Variants in ERBB4 observed in about 807,000 individuals in gnomAD.
The protein encoded by ERBB4 is receptor tyrosine-protein kinase erbB-4.
A neutral mutation model predicts 158.0 loss-of-function variants in ERBB4; 42 were observed. The observed-to-expected ratio is 0.27, with a 90% CI of 0.21 to 0.34. The LOEUF is 0.34. Among genes scored for constraint, ERBB4 ranks in the 10% least tolerant of loss-of-function variants. The probability of loss-of-function intolerance (pLI) is 1.00; values close to 1 mark genes in which losing one functional copy is unlikely to be tolerated. For missense variants in ERBB4, 1,333 were observed against 1,624.1 expected, an observed-to-expected ratio of 0.82 and a Z score of 3.08; for synonymous variants, 583 against 558.7, an observed-to-expected ratio of 1.04 and a Z score of -0.61.
chr2:212,305,726 T>C (rs529423537), intron 1 of ERBB4, among the ~76,000 whole-genome samples: 49 of 151,482 alleles, frequency 3.2e-4, no homozygotes, highest in African/African-American at 1.2e-3. Flanking sequence ...TTGATAAAAA[T>C]ACATTTTAAA....
chr2:212,439,470 T>C (rs2092207724), intron 1 of ERBB4, among the ~76,000 whole-genome samples: 1 of 152,146 alleles, frequency 6.6e-6, no homozygotes, highest in South Asian at 2.1e-4. Context: ...TATGAATTAA[T>C]GGATTCTAGG....
intron 1 of ERBB4, among the ~76,000 whole-genome samples, chr2:212,524,548 G>T (rs1692343080): frequency 6.6e-6 from 1 of 151,958 alleles, no homozygotes; most frequent in Admixed American, 6.6e-5. Context: ...TATAGCATTT[G>T]CTTTAAATGT....
intron 12 of ERBB4, among the ~76,000 whole-genome samples, chr2:211,690,927 T>C (rs2072791047): frequency 6.6e-6 from 1 of 152,232 alleles, no homozygotes; most frequent in African/African-American, 2.4e-5. Flanking sequence ...TTATCTCATC[T>C]GAATTCCAGC....
chr2:212,316,591 G>A (rs1457081390), intron 1 of ERBB4, among the ~76,000 whole-genome samples: 1 of 151,478 alleles, frequency 6.6e-6, no homozygotes, highest in African/African-American at 2.4e-5. Flanking sequence ...TTCTTTCACA[G>A]TATTGCACCC....
At position 212,123,387 on chromosome 2, in the gene ERBB4, A is replaced by T. The variant is rs144789224; in HGVS notation, c.234+1365T>A. Among the ~76,000 whole-genome samples the T allele has an allele frequency of 3.6e-4, 55 of 152,364 alleles. 3 individuals carry two copies. In the East Asian group the frequency reaches 0.01, roughly 29 times the overall value. ...CACTGCGCTCCAGCCAGGGCGACAG[A>T]GCAAGACTCCATCTCACAAAACAAA... On this transcript the variant is annotated intron_variant, in intron 2 of 27. Coordinates refer to ENST00000342788, the MANE Select transcript of ERBB4 (RefSeq NM_005235.3).
chr2:212,194,334 A>G (rs1314506963), intron 1 of ERBB4, among the ~76,000 whole-genome samples: 1 of 142,092 alleles, frequency 7.0e-6, no homozygotes, highest in Non-Finnish European at 1.5e-5. Context: ...TTTCCTTTCT[A>G]ACATAATCAT....
At chr2:212,304,347 T>C (rs2086730549) in intron 1 of ERBB4, among the ~76,000 whole-genome samples, 1 of 151,554 alleles carries the variant, frequency 6.6e-6, no homozygotes, top group Admixed American at 6.6e-5. Context: ...AATAAACTAG[T>C]AACAAAAATA....
intron 1 of ERBB4, among the ~76,000 whole-genome samples, chr2:212,333,020 T>G (rs541875822): frequency 6.6e-6 from 1 of 152,176 alleles, no homozygotes; most frequent in South Asian, 2.1e-4. Context: ...TCTAGCTTCT[T>G]TGGATAGAGA....
In ERBB4 at chr2:211,390,090, G is replaced by GTGAT. The variant is rs535436783; in HGVS notation, c.3136-2102_3136-2099dup. Among the ~76,000 whole-genome samples, 53 of 152,238 alleles carry GTGAT rather than the reference G, an allele frequency of 3.5e-4. No homozygotes were observed. In the South Asian group the frequency reaches 0.01, roughly 29 times the overall value. ...ATACTCCAGTGATTTGTAATATAGA[G>GTGAT]TGATAGTACAGGAAATATGGAACTG... On this transcript the variant is annotated intron_variant, in intron 25 of 27. Coordinates refer to ENST00000342788, the MANE Select transcript of ERBB4 (RefSeq NM_005235.3).
At chr2:211,628,795 A>C in intron 17 of ERBB4, among the ~76,000 whole-genome samples, 1 of 152,110 alleles carries the variant, frequency 6.6e-6, no homozygotes, top group East Asian at 1.9e-4. Flanking sequence ...AACAGTGTAA[A>C]AGTGTTCCTA....
At chr2:211,905,963 G>A (rs1005795269) in intron 3 of ERBB4, among the ~76,000 whole-genome samples, 1 of 151,688 alleles carries the variant, frequency 6.6e-6, no homozygotes, top group African/African-American at 2.4e-5. Context: ...GGACAGTATG[G>A]CTGGAATGCA....
At chr2:211,586,839 T>C (rs1157494350) in intron 19 of ERBB4, among the ~76,000 whole-genome samples, 1 of 152,154 alleles carries the variant, frequency 6.6e-6, no homozygotes, top group African/African-American at 2.4e-5. Context: ...ATAAGAAATA[T>C]CATTTCAAGA....
At chr2:212,014,473 A>C (rs1478104246) in intron 2 of ERBB4, among the ~76,000 whole-genome samples, 2 of 152,228 alleles carry the variant, frequency 1.3e-5, no homozygotes, top group South Asian at 4.1e-4. Flanking sequence ...ATTATTCAAG[A>C]TGTAACATGG....
intron 1 of ERBB4, among the ~76,000 whole-genome samples, chr2:212,467,449 C>T (rs1688895239): frequency 6.6e-6 from 1 of 152,200 alleles, no homozygotes; most frequent in Non-Finnish European, 1.5e-5. Flanking sequence ...CCCCTTTCAG[C>T]TGTTCCAGAT....
At chr2:212,011,774 T>C (rs2076394015) in intron 2 of ERBB4, among the ~76,000 whole-genome samples, 1 of 151,938 alleles carries the variant, frequency 6.6e-6, no homozygotes, top group Non-Finnish European at 1.5e-5. Flanking sequence ...AAAAAGCATT[T>C]CACAGGTAGT....
intron 1 of ERBB4, among the ~76,000 whole-genome samples, chr2:212,192,863 C>T (rs1466772152): frequency 1.3e-5 from 2 of 152,064 alleles, no homozygotes; most frequent in Non-Finnish European, 2.9e-5. Flanking sequence ...GATTTGCTAT[C>T]CATAGGGAGG....
intron 3 of ERBB4, among the ~76,000 whole-genome samples, chr2:211,880,897 T>C (rs941162176): frequency 2.6e-5 from 4 of 152,322 alleles, no homozygotes; most frequent in Middle Eastern, 3.4e-3. Flanking sequence ...TGTGCCCTAA[T>C]TGAAGAGGAC....
intron 19 of ERBB4, among the ~76,000 whole-genome samples, chr2:211,597,634 A>T (rs2068675730): frequency 6.6e-6 from 1 of 152,164 alleles, no homozygotes. Flanking sequence ...GTATTATACA[A>T]TATTTCAGAA....
intron 19 of ERBB4, among the ~76,000 whole-genome samples, chr2:211,577,353 T>C (rs2067920850): frequency 6.6e-6 from 1 of 152,050 alleles, no homozygotes. Flanking sequence ...AAAATGGGGA[T>C]TTCCTATTTC....
Sources: allele counts gnomAD v4.1 joint callset (sites outside exome capture counted in the v4.1 genomes callset), GRCh38; gene constraint gnomAD v4.1.1; transcripts MANE v1.5; gene names NCBI Gene and HGNC (gene_info 2026-07-23, HGNC 2026-07-21).